UNC5C: variants seen among roughly 807,000 people sequenced by gnomAD.
UNC5C encodes unc-5 netrin receptor C, also known as netrin receptor UNC5C.
A neutral mutation model predicts 99.8 loss-of-function variants in UNC5C; 47 were observed. The ratio of observed to expected loss-of-function variants is 0.47; its 90% CI spans 0.37 to 0.60. The LOEUF (loss-of-function observed/expected upper bound fraction) is 0.60. Among genes scored for constraint, UNC5C ranks in the 20% least tolerant of loss-of-function variants. UNC5C has a pLI of 0.00. For synonymous variants in UNC5C, 487 were observed against 452.2 expected (o/e 1.08, Z -0.98); for missense variants, 1,062 against 1,165.9 (o/e 0.91, Z 1.30).
intron 1 of UNC5C, among the ~76,000 whole-genome samples, chr4:95,356,753 T>C (rs1175580121): frequency 6.6e-6 from 1 of 152,168 alleles, no homozygotes; most frequent in Non-Finnish European, 1.5e-5. Flanking sequence ...CCTTTCTTTG[T>C]GGCCATTCTC....
rs534316817 is a variant in UNC5C, at chr4:95,201,883, C to T, written c.2136+848G>A. 7.1e-4 allele frequency among the ~76,000 whole-genome samples: 108 copies of T among 152,284 alleles called. 1 individual carries two copies. The South Asian group carries it at 8.5e-3, about 12-fold the overall frequency. ...CCTCCCAAAGTGCTAGGATTACAGGCGTGAGCCACCACACCCGGCCGAGGG... is the reference window on the plus strand; with the variant it reads ...CCTCCCAAAGTGCTAGGATTACAGGTGTGAGCCACCACACCCGGCCGAGGG... On this transcript the variant is annotated intron_variant, in intron 12 of 15. Transcript: ENST00000453304.
chr4:95,185,113 G>A lies in UNC5C; in HGVS notation c.2220C>T (p.Asn740=), dbSNP rs1012071356. Residue 740 remains asparagine (N), a synonymous_variant, in exon 13 of 16, where the codon AAC becomes AAT. Coordinates refer to ENST00000453304, the MANE Select transcript of UNC5C (RefSeq NM_003728.4). ...KALHFKGSTH[N]LRLSIHDIAH... ...CGATATCGTGAATTGACAGGCGCAGGTTGTGGGTGCTGCCTTTAAAATGAA... is the reference window on the plus strand; with the variant it reads ...CGATATCGTGAATTGACAGGCGCAGATTGTGGGTGCTGCCTTTAAAATGAA... 3 of 1,613,962 alleles carry A rather than the reference G, an allele frequency of 1.9e-6. No homozygotes were observed. In the African/African-American group the frequency reaches 4.0e-5, roughly 22 times the overall value.
At chr4:95,536,413 A>G (rs1349360752) in intron 1 of UNC5C, among the ~76,000 whole-genome samples, 2 of 152,172 alleles carry the variant, frequency 1.3e-5, no homozygotes, top group East Asian at 3.9e-4. Context: ...TCATACAGAA[A>G]AAAAGAACAC....
intron 7 of UNC5C, among the ~76,000 whole-genome samples, chr4:95,228,199 T>C (rs1426111946): frequency 6.6e-6 from 1 of 152,202 alleles, no homozygotes; most frequent in Non-Finnish European, 1.5e-5. Flanking sequence ...AGAAACAAAA[T>C]GTAAATCTTC....
At chr4:95,465,836 C>G (rs572974337) in intron 1 of UNC5C, among the ~76,000 whole-genome samples, 1 of 152,010 alleles carries the variant, frequency 6.6e-6, no homozygotes, top group Non-Finnish European at 1.5e-5. Flanking sequence ...CCCCAGTGAC[C>G]TTTCTCCTTT....
At chr4:95,368,297 G>GA (rs71583699) in intron 1 of UNC5C, among the ~76,000 whole-genome samples, 1,375 of 133,724 alleles carry the variant, frequency 0.01, 16 homozygotes, top group East Asian at 0.045. Flanking sequence ...CATCTTTTTT[G>GA]AAAAAAAAAA....
At chr4:95,509,019 A>G (rs1721997086) in intron 1 of UNC5C, among the ~76,000 whole-genome samples, 2 of 151,928 alleles carry the variant, frequency 1.3e-5, no homozygotes, top group South Asian at 4.1e-4. Flanking sequence ...ATAATGCTGA[A>G]TTTCAAAAAT....
chr4:95,256,835 T>A (rs1046591875), intron 4 of UNC5C, among the ~76,000 whole-genome samples: 2 of 151,678 alleles, frequency 1.3e-5, no homozygotes, highest in Non-Finnish European at 2.9e-5. Flanking sequence ...TGGAGTCTGA[T>A]GTTTGAGGTC....
At chr4:95,215,595 G>A (rs1738218144) in intron 10 of UNC5C, among the ~76,000 whole-genome samples, 1 of 151,988 alleles carries the variant, frequency 6.6e-6, no homozygotes, top group African/African-American at 2.4e-5. Flanking sequence ...ATTCTGAACA[G>A]CCTAATGTGG....
At chr4:95,192,668 G>T in intron 12 of UNC5C, among the ~76,000 whole-genome samples, 1 of 132,880 alleles carries the variant, frequency 7.5e-6, no homozygotes, top group South Asian at 2.6e-4. Flanking sequence ...CTCTTCCCCT[G>T]CTCACCTCCT....
At chr4:95,346,187 A>G (rs189730222) in intron 1 of UNC5C, among the ~76,000 whole-genome samples, 1 of 152,128 alleles carries the variant, frequency 6.6e-6, no homozygotes, top group Admixed American at 6.5e-5. Context: ...TGGAGAAGAA[A>G]TGGATAAATT....
At chr4:95,316,468 G>A (rs1173805571) in intron 2 of UNC5C, among the ~76,000 whole-genome samples, 2 of 152,104 alleles carry the variant, frequency 1.3e-5, no homozygotes, top group Non-Finnish European at 2.9e-5. Flanking sequence ...GGAGCTGACC[G>A]CAGGCACACT....
chr4:95,170,448 A>T (rs1560710756), intron 14 of UNC5C, 116 bp from the exon 15 acceptor site: 3 of 1,258,808 alleles, frequency 2.4e-6, no homozygotes, highest in African/African-American at 3.0e-5. Flanking sequence ...GAATGCTGTT[A>T]TTCTTCTTAG....
intron 1 of UNC5C, among the ~76,000 whole-genome samples, chr4:95,365,627 A>G (rs935240145): frequency 3.9e-5 from 6 of 152,042 alleles, no homozygotes; most frequent in Non-Finnish European, 7.4e-5. Flanking sequence ...ATTCTTTTCA[A>G]TGCTCAAATG....
chr4:95,415,764 G>A (rs1194902871), intron 1 of UNC5C, among the ~76,000 whole-genome samples: 1 of 152,130 alleles, frequency 6.6e-6, no homozygotes, highest in African/African-American at 2.4e-5. Flanking sequence ...AAATTAGAAA[G>A]TATGGAATAA....
At chr4:95,337,670 GACA>G (rs1743402165) in intron 1 of UNC5C, among the ~76,000 whole-genome samples, 1 of 151,904 alleles carries the variant, frequency 6.6e-6, no homozygotes, top group South Asian at 2.1e-4. Context: ...TGACTTTTAA[GACA>G]ACATGATCAC....
intron 15 of UNC5C, among the ~76,000 whole-genome samples, chr4:95,169,779 T>A (rs760394588): frequency 4.7e-4 from 71 of 152,294 alleles, no homozygotes; most frequent in Non-Finnish European, 8.4e-4. Flanking sequence ...GAGGTCTCTT[T>A]ATAACTTAAT....
At chr4:95,205,660 T>C (rs1737849399) in intron 11 of UNC5C, among the ~76,000 whole-genome samples, 1 of 152,202 alleles carries the variant, frequency 6.6e-6, no homozygotes, top group South Asian at 2.1e-4. Context: ...TGTTTTACAT[T>C]TTATACAAGT....
intron 1 of UNC5C, among the ~76,000 whole-genome samples, chr4:95,511,499 A>C (rs1722069843): frequency 6.6e-6 from 1 of 152,152 alleles, no homozygotes; most frequent in Non-Finnish European, 1.5e-5. Flanking sequence ...TACATGGAGG[A>C]AAACAATGAA....
Sources: allele counts gnomAD v4.1 joint callset (sites outside exome capture counted in the v4.1 genomes callset), GRCh38; gene constraint gnomAD v4.1.1; transcripts MANE v1.5; gene names NCBI Gene and HGNC (gene_info 2026-07-23, HGNC 2026-07-21).